Variants in BIRC6 observed in about 807,000 individuals in gnomAD.
BIRC6 encodes baculoviral IAP repeat containing 6.
BIRC6 carries 98 observed loss-of-function variants against 503.3 expected under a neutral mutation model. The ratio of observed to expected loss-of-function variants is 0.19; its 90% CI spans 0.17 to 0.23. The LOEUF (loss-of-function observed/expected upper bound fraction) is 0.23, where lower values mean the gene tolerates loss of function less well. Among genes scored for constraint, BIRC6 ranks in the 10% least tolerant of loss-of-function variants. The pLI is 1.00. For synonymous variants in BIRC6, 2,240 were observed against 2,078.7 expected, an observed-to-expected ratio of 1.08 and a Z score of -2.11; for missense variants, 5,360 against 5,806.0, an observed-to-expected ratio of 0.92 and a Z score of 2.50.
intron 66 of BIRC6, among the ~76,000 whole-genome samples, chr2:32,588,330 G>C (rs2061194130): frequency 6.6e-6 from 1 of 152,074 alleles, no homozygotes; most frequent in Non-Finnish European, 1.5e-5. Flanking sequence ...ACTCCAGCCT[G>C]GACAACAAGA....
intron 45 of BIRC6, among the ~76,000 whole-genome samples, chr2:32,497,703 T>C (rs891007020): frequency 1.3e-4 from 20 of 152,182 alleles, no homozygotes; most frequent in Admixed American, 7.9e-4. Flanking sequence ...TTTTATCTTT[T>C]TTTGGGGTCA....
At chr2:32,374,685 G>C (rs2036486485) in intron 1 of BIRC6, among the ~76,000 whole-genome samples, 1 of 151,884 alleles carries the variant, frequency 6.6e-6, no homozygotes, top group African/African-American at 2.4e-5. Context: ...TGTTAGCCAG[G>C]ATGGTCTCGA....
At chr2:32,466,504 A>C (rs1474360309) in intron 26 of BIRC6, among the ~76,000 whole-genome samples, 1 of 152,178 alleles carries the variant, frequency 6.6e-6, no homozygotes, top group Admixed American at 6.5e-5. Flanking sequence ...TCCTGCTTTC[A>C]CTTTGGATCT....
At chr2:32,365,855 ATTTAT>A (rs1484272527) in intron 1 of BIRC6, among the ~76,000 whole-genome samples, 3 of 151,918 alleles carry the variant, frequency 2.0e-5, no homozygotes, top group East Asian at 3.9e-4. Flanking sequence ...AGTTTTATTT[ATTTAT>A]TTTATTTTTT....
intron 65 of BIRC6, chr2:32,558,655 C>G (rs1286400146): frequency 6.6e-6 from 1 of 152,152 alleles, no homozygotes; most frequent in Middle Eastern, 3.2e-3. Context: ...GCTGCTTACC[C>G]TACATTGCAT....
At chr2:32,371,031 G>A (rs548186441) in intron 1 of BIRC6, among the ~76,000 whole-genome samples, 52 of 151,620 alleles carry the variant, frequency 3.4e-4, no homozygotes, top group African/African-American at 1.3e-3. Flanking sequence ...TGGGCAACAT[G>A]GCAAAACCCT....
intron 3 of BIRC6, among the ~76,000 whole-genome samples, chr2:32,385,700 G>A (rs887381451): frequency 2.0e-5 from 3 of 152,166 alleles, no homozygotes; most frequent in Admixed American, 6.5e-5. Flanking sequence ...AAGTGGCAGA[G>A]CATCTTGCAG....
intron 18 of BIRC6, 23 bp downstream of exon 18, chr2:32,442,249 A>G: frequency 6.2e-7 from 1 of 1,601,250 alleles, no homozygotes; most frequent in Non-Finnish European, 8.5e-7. Context: ...AATTTTGCTT[A>G]CCACTGTTGA....
At chr2:32,495,827 A>G (rs1406331988) in intron 45 of BIRC6, among the ~76,000 whole-genome samples, 4 of 130,640 alleles carry the variant, frequency 3.1e-5, no homozygotes, top group African/African-American at 6.0e-5. Flanking sequence ...TGGATGTCCA[A>G]CTGTTCCTAT....
intron 53 of BIRC6, among the ~76,000 whole-genome samples, chr2:32,511,534 G>A (rs1013748352): frequency 1.6e-5 from 2 of 125,026 alleles, no homozygotes; most frequent in Admixed American, 2.1e-4. Context: ...GCTTTACCGT[G>A]TTAGTCAGGA....
rs115265353 is a variant in BIRC6, at chr2:32,484,477, T to C, written c.7697-1166T>C. Among the ~76,000 whole-genome samples, 736 of 145,074 alleles carry C rather than the reference T, an allele frequency of 5.1e-3. 8 individuals are homozygous for C. The highest frequency in any genetic ancestry group is 0.018 in the African/African-American group (709 of 38,964). On this transcript the variant is annotated intron_variant, in intron 39 of 73. Coordinates refer to ENST00000421745, the MANE Select transcript of BIRC6 (RefSeq NM_016252.4). ...TGAGGTAGGAGAATTGCTATAACCC[T>C]GGGGCAGAGGTTGCAGTGAGCCAAG...
chr2:32,555,718 C>T (rs1215908017), intron 65 of BIRC6, among the ~76,000 whole-genome samples: 3 of 151,866 alleles, frequency 2.0e-5, no homozygotes, highest in African/African-American at 7.3e-5. Flanking sequence ...CATCTGCAAT[C>T]CCAGCACTTT....
At chr2:32,586,453 G>C (rs934141766) in intron 66 of BIRC6, among the ~76,000 whole-genome samples, 35 of 83,374 alleles carry the variant, frequency 4.2e-4, no homozygotes, top group Admixed American at 2.2e-3. Flanking sequence ...TTTTTTTTGA[G>C]ACAGGGTTAA....
intron 54 of BIRC6, among the ~76,000 whole-genome samples, chr2:32,514,090 A>G (rs2054749075): frequency 1.3e-5 from 2 of 152,136 alleles, no homozygotes; most frequent in South Asian, 4.1e-4. Context: ...GGGAGCTGAG[A>G]TGGGAGGATC....
chr2:32,400,842 CAGG>C (rs1278857693), intron 6 of BIRC6, among the ~76,000 whole-genome samples: 5 of 152,036 alleles, frequency 3.3e-5, no homozygotes, highest in South Asian at 2.1e-4. Context: ...GAGGAAATAA[CAGG>C]AGTTTAAACA....
intron 26 of BIRC6, among the ~76,000 whole-genome samples, chr2:32,466,999 G>A (rs2048615737): frequency 1.3e-5 from 2 of 152,128 alleles, no homozygotes; most frequent in African/African-American, 4.8e-5. Flanking sequence ...GGCGCCTGTA[G>A]TGCCAGCTAC....
At chr2:32,432,543 G>A (rs1430504352) in intron 12 of BIRC6, among the ~76,000 whole-genome samples, 1 of 152,006 alleles carries the variant, frequency 6.6e-6, no homozygotes, top group Non-Finnish European at 1.5e-5. Context: ...GATCACTTGA[G>A]CCCAGGTGTT....
At chr2:32,615,835 A>G (rs907731651) in intron 73 of BIRC6, among the ~76,000 whole-genome samples, 2 of 152,022 alleles carry the variant, frequency 1.3e-5, no homozygotes, top group African/African-American at 2.4e-5. Flanking sequence ...GGGTTTCACC[A>G]TGTTGGCCAG....
In BIRC6 at chr2:32,575,186, A is replaced by G; in HGVS notation, c.13175A>G (p.Tyr4392Cys). Residue 4392 changes from tyrosine (Y) to cysteine (C), a missense_variant, in exon 66 of 74, where the codon TAT (tyrosine) becomes TGT (cysteine). Transcript: ENST00000421745. ...GACATGGCAAGACATGTGCCACTCTATCGGGCACTGCTGGAATTGCTTCGG... is the reference window on the plus strand; with the variant it reads ...GACATGGCAAGACATGTGCCACTCTGTCGGGCACTGCTGGAATTGCTTCGG... ...VLDMARHVPL[Y>C]RALLELLRAI... 1.9e-6 allele frequency: 3 copies of G among 1,613,952 alleles called. No homozygotes were observed. Among genetic ancestry groups the G allele is most frequent in the Non-Finnish European group, 2.5e-6 (3 of 1,179,884 alleles).
Sources: gnomAD v4.1 joint callset for allele counts (sites outside exome capture counted in the v4.1 genomes callset) on GRCh38, gnomAD v4.1.1 for gene constraint, MANE v1.5 for transcripts, NCBI Gene and HGNC (gene_info 2026-07-23, HGNC 2026-07-21) for gene names.